Variants in SLCO5A1 observed in about 807,000 individuals in gnomAD.
SLCO5A1 encodes the protein organic anion transporter polypeptide-related protein 4.
Under a neutral mutation model 65.1 loss-of-function variants are expected in SLCO5A1, and 39 were observed. The ratio of observed to expected loss-of-function variants is 0.60; its 90% CI spans 0.46 to 0.78. SLCO5A1 has a LOEUF of 0.78. SLCO5A1 is among the 30% of genes least tolerant of loss of function. The pLI is 0.00. For synonymous variants in SLCO5A1, 438 were observed against 415.7 expected, an observed-to-expected ratio of 1.05 and a Z score of -0.65; for missense variants, 1,029 against 1,069.4, an observed-to-expected ratio of 0.96 and a Z score of 0.53.
chr8:69,767,363 C>G (rs2130869693), intron 2 of SLCO5A1, among the ~76,000 whole-genome samples: 1 of 152,324 alleles, frequency 6.6e-6, no homozygotes, highest in Non-Finnish European at 1.5e-5. Context: ...GGAATCACAT[C>G]CTACATAGTA....
At chr8:69,794,674 T>A in intron 2 of SLCO5A1, 1 of 320,840 alleles carries the variant, frequency 3.1e-6, no homozygotes, top group South Asian at 3.0e-5. Context: ...TTGTGGCAGA[T>A]TGCCTTTGTC....
intron 2 of SLCO5A1, among the ~76,000 whole-genome samples, chr8:69,762,180 T>TCTCTCTCTCTCTCTCTCTCTCTCTC (rs1817820171): frequency 1.1e-5 from 1 of 95,094 alleles, no homozygotes; most frequent in Admixed American, 1.4e-4. Context: ...CTTTCTTTCT[T>TCTCTCTCTCTCTCTCTCTCTCTCTC]TCTTTCTTTC....
rs1014594485 is a variant in SLCO5A1, at chr8:69,669,367, T to C, written c.*3502A>G. On this transcript the variant is annotated 3_prime_UTR_variant, in exon 10 of 10. Transcript: ENST00000260126. ...CACGATTTTATAGTCACCTTGCCTT[T>C]GTTAACCAAAAGCTATTGTATACAT... 1 of 152,206 alleles carries C rather than the reference T, an allele frequency of 6.6e-6. No individual in the cohort carries two copies. The highest frequency in any genetic ancestry group is 1.5e-5 in the Non-Finnish European group (1 of 68,036). 9.4% of individuals were successfully genotyped at this position (152,206 alleles called of 1,614,324 possible).
At chr8:69,694,561 C>T (rs1238721465) in intron 6 of SLCO5A1, among the ~76,000 whole-genome samples, 2 of 152,202 alleles carry the variant, frequency 1.3e-5, no homozygotes, top group African/African-American at 2.4e-5. Context: ...TGCACAAGGG[C>T]ACCCAGCCAA....
intron 2 of SLCO5A1, among the ~76,000 whole-genome samples, chr8:69,784,483 T>C (rs1031531307): frequency 6.6e-6 from 1 of 152,014 alleles, no homozygotes; most frequent in African/African-American, 2.4e-5. Context: ...AGTTTGGTAG[T>C]TTCTTAGAAA....
intron 2 of SLCO5A1, among the ~76,000 whole-genome samples, chr8:69,830,703 A>C (rs1586846547): frequency 1.3e-5 from 2 of 152,086 alleles, no homozygotes; most frequent in South Asian, 4.1e-4. Flanking sequence ...AAATTTTCAT[A>C]CCCTCTGCAA....
chr8:69,726,745 C>T lies in SLCO5A1; in HGVS notation c.1423+11295G>A, dbSNP rs144384767. On this transcript the variant is annotated intron_variant, in intron 5 of 9. Coordinates refer to ENST00000260126, the MANE Select transcript of SLCO5A1 (RefSeq NM_030958.3). ...CGAACTCCTGGCCACAAGTGATCTG[C>T]CCGCCTTGGCCTCCCAAAGTGCTGG... Among the ~76,000 whole-genome samples the T allele has an allele frequency of 7.7e-3, 1,167 of 152,246 alleles. 16 individuals carry two copies. Among genetic ancestry groups the T allele is most frequent in the African/African-American group, 0.026 (1,099 of 41,540 alleles).
intron 2 of SLCO5A1, among the ~76,000 whole-genome samples, chr8:69,791,161 C>T (rs990036522): frequency 5.3e-5 from 8 of 152,156 alleles, no homozygotes; most frequent in Middle Eastern, 3.2e-3. Flanking sequence ...TTCCTGCAGC[C>T]TAAAGGTCCT....
intron 1 of SLCO5A1, chr8:69,833,455 T>TAATTATCA (rs1821272041): frequency 6.6e-6 from 1 of 152,286 alleles, no homozygotes; most frequent in South Asian, 2.1e-4. Flanking sequence ...TATATGTTAA[T>TAATTATCA]AATTATCAAC....
intron 2 of SLCO5A1, among the ~76,000 whole-genome samples, chr8:69,777,345 T>C (rs1162197301): frequency 1.3e-5 from 2 of 151,982 alleles, no homozygotes; most frequent in African/African-American, 4.8e-5. Context: ...CTAGAAAACG[T>C]GAACTATCCC....
intron 2 of SLCO5A1, among the ~76,000 whole-genome samples, chr8:69,813,868 T>G (rs1052241389): frequency 6.6e-6 from 1 of 152,140 alleles, no homozygotes; most frequent in Non-Finnish European, 1.5e-5. Flanking sequence ...GACTTCTCCC[T>G]CCCCTCTTTG....
chr8:69,706,478 T>TG (rs1410992866), intron 5 of SLCO5A1, among the ~76,000 whole-genome samples: 2 of 152,090 alleles, frequency 1.3e-5, no homozygotes, highest in Non-Finnish European at 2.9e-5. Context: ...GATTAGGAGG[T>TG]GGGGCCTTTG....
At chr8:69,760,206 C>T (rs924557647) in intron 3 of SLCO5A1, among the ~76,000 whole-genome samples, 1 of 152,190 alleles carries the variant, frequency 6.6e-6, no homozygotes, top group Non-Finnish European at 1.5e-5. Flanking sequence ...AACATCTCTA[C>T]TCTGATTAAT....
chr8:69,697,315 G>A lies in SLCO5A1; in HGVS notation c.1622+7716C>T, dbSNP rs1376129774. Among the ~76,000 whole-genome samples the A allele has an allele frequency of 5.9e-5, 9 of 152,192 alleles. No homozygotes were observed. In the South Asian group the frequency reaches 8.3e-4, roughly 14 times the overall value. On this transcript the variant is annotated intron_variant, in intron 6 of 9. Transcript: ENST00000260126. ...TGAGGCAGGAGAATCGCTTGAACCC[G>A]GGAGGTGGAGGTTGCAGTGAGCCGA... is the stretch of plus-strand genomic sequence containing the variant.
intron 2 of SLCO5A1, among the ~76,000 whole-genome samples, chr8:69,815,922 G>A (rs938394370): frequency 6.6e-6 from 1 of 152,048 alleles, no homozygotes; most frequent in Non-Finnish European, 1.5e-5. Context: ...TATCTACTGA[G>A]CAACAATGTA....
chr8:69,811,104 T>C (rs1250860277), intron 2 of SLCO5A1, among the ~76,000 whole-genome samples: 2 of 152,236 alleles, frequency 1.3e-5, no homozygotes, highest in African/African-American at 4.8e-5. Context: ...TCCATGAAAG[T>C]TCCAGACCCA....
At chr8:69,735,089 T>C (rs1190537446) in intron 5 of SLCO5A1, among the ~76,000 whole-genome samples, 1 of 152,180 alleles carries the variant, frequency 6.6e-6, no homozygotes, top group Non-Finnish European at 1.5e-5. Flanking sequence ...TCACTGATTA[T>C]TAGAGAAATG....
chr8:69,736,576 A>G (rs1360953356), intron 5 of SLCO5A1, among the ~76,000 whole-genome samples: 1 of 152,166 alleles, frequency 6.6e-6, no homozygotes, highest in Non-Finnish European at 1.5e-5. Context: ...TATGAAAAAG[A>G]TGCCTCTAAA....
intron 5 of SLCO5A1, 68 bp from the exon 6 acceptor site, chr8:69,705,297 T>C: frequency 3.3e-6 from 5 of 1,509,664 alleles, no homozygotes; most frequent in Non-Finnish European, 4.6e-6. Flanking sequence ...ATCTATTCTG[T>C]CTCTTGCTCA....
Sources: allele counts gnomAD v4.1 joint callset (sites outside exome capture counted in the v4.1 genomes callset), GRCh38; gene constraint gnomAD v4.1.1; transcripts MANE v1.5; gene names NCBI Gene and HGNC (gene_info 2026-07-23, HGNC 2026-07-21).